Variants in NBEA observed in about 807,000 individuals in gnomAD.
NBEA encodes the protein neurobeachin.
Under a neutral mutation model 343.4 loss-of-function variants are expected in NBEA, and 44 were observed. That is an observed-to-expected ratio of 0.13 (90% CI 0.10 to 0.16). NBEA has a LOEUF of 0.16. Among genes scored for constraint, NBEA ranks in the 10% least tolerant of loss-of-function variants. The pLI is 1.00. For missense variants in NBEA, 2,555 were observed against 3,631.3 expected (o/e 0.70, Z 7.62); for synonymous variants, 1,175 against 1,238.7 (o/e 0.95, Z 1.08).
At chr13:35,372,580 G>A (rs1185812891) in intron 38 of NBEA, among the ~76,000 whole-genome samples, 1 of 152,190 alleles carries the variant, frequency 6.6e-6, no homozygotes, top group Non-Finnish European at 1.5e-5. Flanking sequence ...AGCAACAACT[G>A]CACTGTGGCC....
intron 48 of NBEA, among the ~76,000 whole-genome samples, chr13:35,613,299 T>G (rs2082602056): frequency 6.6e-6 from 1 of 150,646 alleles, no homozygotes; most frequent in Non-Finnish European, 1.5e-5. Flanking sequence ...TCATACATTA[T>G]TTGTATCTCT....
intron 41 of NBEA, among the ~76,000 whole-genome samples, chr13:35,548,795 A>G (rs1369638686): frequency 6.6e-6 from 1 of 152,178 alleles, no homozygotes; most frequent in African/African-American, 2.4e-5. Context: ...ATAGCCAACT[A>G]ACAATTTATA....
At chr13:35,648,844 G>A (rs888228804) in intron 51 of NBEA, among the ~76,000 whole-genome samples, 3 of 131,496 alleles carry the variant, frequency 2.3e-5, no homozygotes, top group Non-Finnish European at 4.7e-5. Context: ...GGAACAACAC[G>A]CACTGGGGCC....
chr13:35,355,364 C>T (rs150338305), intron 38 of NBEA, among the ~76,000 whole-genome samples: 1,581 of 152,196 alleles, frequency 0.01, 44 homozygotes, highest in Admixed American at 0.063. Context: ...TTAGAAACCT[C>T]CACAGCTGTA....
chr13:35,199,271 C>G (rs1359619189), intron 31 of NBEA, among the ~76,000 whole-genome samples: 1 of 152,068 alleles, frequency 6.6e-6, no homozygotes, highest in East Asian at 1.9e-4. Context: ...TTCTGAAGCA[C>G]TAATGTCTGA....
intron 39 of NBEA, among the ~76,000 whole-genome samples, chr13:35,451,788 G>C (rs371681574): frequency 6.6e-6 from 1 of 152,080 alleles, no homozygotes; most frequent in Non-Finnish European, 1.5e-5. Context: ...ATGGATCTTC[G>C]AGTCCTTAGA....
chr13:35,334,609 A>G (rs779760858), intron 36 of NBEA, among the ~76,000 whole-genome samples: 6 of 152,146 alleles, frequency 3.9e-5, no homozygotes, highest in Non-Finnish European at 7.4e-5. Context: ...ATGATCAGTG[A>G]TGTTGAACAC....
intron 36 of NBEA, among the ~76,000 whole-genome samples, chr13:35,315,888 T>A (rs1269658357): frequency 6.6e-6 from 1 of 152,114 alleles, no homozygotes; most frequent in African/African-American, 2.4e-5. Context: ...TTTATTTCTC[T>A]TATGTCTTTG....
chr13:35,427,726 G>A (rs1455311393), intron 38 of NBEA, among the ~76,000 whole-genome samples: 1 of 152,202 alleles, frequency 6.6e-6, no homozygotes, highest in Non-Finnish European at 1.5e-5. Flanking sequence ...TGCCCTGCCT[G>A]CAGAAGTGGA....
intron 43 of NBEA, among the ~76,000 whole-genome samples, chr13:35,551,378 A>G (rs2079316336): frequency 6.6e-6 from 1 of 152,218 alleles, no homozygotes; most frequent in African/African-American, 2.4e-5. Flanking sequence ...GTAATAGCAT[A>G]TAAATAATGT....
intron 17 of NBEA, among the ~76,000 whole-genome samples, chr13:35,124,530 A>G (rs530324801): frequency 6.7e-6 from 1 of 150,128 alleles, no homozygotes; most frequent in Admixed American, 6.7e-5. Flanking sequence ...GGATATATAT[A>G]CACACATATA....
chr13:35,635,326 C>A (rs1156513826), intron 49 of NBEA, among the ~76,000 whole-genome samples: 1 of 152,172 alleles, frequency 6.6e-6, no homozygotes, highest in Non-Finnish European at 1.5e-5. Context: ...TTTACAACTG[C>A]CATGATGCCT....
chr13:35,063,634 T>C (rs1242041526), intron 8 of NBEA, among the ~76,000 whole-genome samples: 4 of 151,926 alleles, frequency 2.6e-5, no homozygotes, highest in Admixed American at 1.3e-4. Context: ...GGAACAGCCA[T>C]TGAAAAGTTT....
chr13:34,976,940 AT>A (rs58973015), intron 1 of NBEA, among the ~76,000 whole-genome samples: 14,304 of 129,486 alleles, frequency 0.11, 805 homozygotes, highest in African/African-American at 0.21. Context: ...TTTTCTCTCT[AT>A]TTTTTTTTTT....
chr13:35,600,243 C>G (rs183306652), intron 47 of NBEA, among the ~76,000 whole-genome samples: 58 of 152,218 alleles, frequency 3.8e-4, no homozygotes, highest in Admixed American at 3.4e-3. Flanking sequence ...GGTCAGAAAC[C>G]AAATGCCTTT....
At chr13:35,473,346 A>G (rs1369194616) in intron 41 of NBEA, among the ~76,000 whole-genome samples, 2 of 152,196 alleles carry the variant, frequency 1.3e-5, no homozygotes, top group African/African-American at 4.8e-5. Context: ...ATCATTTTGC[A>G]AAGATCTTCC....
At chr13:35,320,293 G>A (rs1417001412) in intron 36 of NBEA, among the ~76,000 whole-genome samples, 1 of 152,086 alleles carries the variant, frequency 6.6e-6, no homozygotes, top group Non-Finnish European at 1.5e-5. Context: ...CAGACCTGGT[G>A]GTGACAAAAT....
At chr13:35,379,524 C>G (rs906455233) in intron 38 of NBEA, among the ~76,000 whole-genome samples, 1 of 152,070 alleles carries the variant, frequency 6.6e-6, no homozygotes, top group Non-Finnish European at 1.5e-5. Context: ...TTTAGTTCTT[C>G]TAATCTATCA....
At chr13:35,336,289 G>A (rs549438080) in intron 36 of NBEA, among the ~76,000 whole-genome samples, 18 of 151,950 alleles carry the variant, frequency 1.2e-4, no homozygotes, top group Admixed American at 3.9e-4. Context: ...TAAAAAGTAC[G>A]ACCCACACAC....
Sources: gnomAD v4.1 joint callset for allele counts (sites outside exome capture counted in the v4.1 genomes callset) on GRCh38, gnomAD v4.1.1 for gene constraint, MANE v1.5 for transcripts, NCBI Gene and HGNC (gene_info 2026-07-23, HGNC 2026-07-21) for gene names.